The following PCOLCE2 variants were observed in gnomAD, a reference collection of about 807,000 sequenced individuals.
PCOLCE2 encodes the protein procollagen C-proteinase enhancer 2.
PCOLCE2 carries 42 observed loss-of-function variants against 47.0 expected under a neutral mutation model. The ratio of observed to expected loss-of-function variants is 0.89; its 90% CI spans 0.70 to 1.16. The LOEUF (loss-of-function observed/expected upper bound fraction) is 1.16. Ranked by LOEUF, PCOLCE2 falls within the 50% of genes most tolerant of loss-of-function variation. PCOLCE2 has a pLI of 0.00. For synonymous variants in PCOLCE2, 169 were observed against 191.7 expected, an observed-to-expected ratio of 0.88 and a Z score of 0.98; for missense variants, 500 against 526.1, an observed-to-expected ratio of 0.95 and a Z score of 0.49.
intron 2 of PCOLCE2, among the ~76,000 whole-genome samples, chr3:142,878,540 AACATGGGAAAGCG>A (rs1220569629): frequency 6.6e-6 from 1 of 152,176 alleles, no homozygotes; most frequent in Non-Finnish European, 1.5e-5. Context: ...ACGTACAAGA[AACATGGGAAAGCG>A]ACAGCACACA....
chr3:142,823,496 T>C (rs771117671), intron 7 of PCOLCE2, 36 bp downstream of exon 7: 28 of 1,264,912 alleles, frequency 2.2e-5, no homozygotes, highest in Non-Finnish European at 3.0e-5. Context: ...CTCAAGTTTC[T>C]GGTTAAAGAG....
chr3:142,835,453 T>C (rs1462920033), intron 5 of PCOLCE2, among the ~76,000 whole-genome samples: 2 of 152,174 alleles, frequency 1.3e-5, no homozygotes, highest in Non-Finnish European at 2.9e-5. Flanking sequence ...CCTTTTATTT[T>C]CAAACTCTGT....
In PCOLCE2 at chr3:142,818,460, T is replaced by G; in HGVS notation, c.1123A>C (p.Asn375His). ...KQCPLLRRGL[N>H]YIIMGQVGED... ...CCTACTTGGCCCATAATAATGTAAT[T>G]TAGACCTAAAGAAAGAGAATACAGA... Residue 375 changes from asparagine to histidine, a missense_variant, in exon 9 of 9, where the codon AAT (asparagine) becomes CAT (histidine). Transcript: ENST00000295992. 1 of 1,610,368 alleles carries G rather than the reference T, an allele frequency of 6.2e-7. No individual in the cohort carries two copies. Among genetic ancestry groups the G allele is most frequent in the East Asian group, 2.2e-5 (1 of 44,854 alleles).
In PCOLCE2 at chr3:142,842,814, C is replaced by A. The variant is rs968054841; in HGVS notation, c.573+110G>T. The A allele has an allele frequency of 5.0e-6, 5 of 997,792 alleles. No homozygotes were observed. The highest frequency in any genetic ancestry group is 1.6e-5 in the African/African-American group (1 of 61,656). 61.8% of individuals were successfully genotyped at this position (997,792 alleles called of 1,614,324 possible). A position where few individuals can be genotyped will look rare whatever the true frequency, so the allele number is the denominator to read the frequency against. ...CCAGGAACCTTCCTCTTCTTGTATC[C>A]CTTAGCTCTCGAATAGCCCCCACAA... On this transcript the variant is annotated intron_variant, in intron 4 of 8. Coordinates refer to ENST00000295992, the MANE Select transcript of PCOLCE2 (RefSeq NM_013363.4). The surrounding 1 kb of genome is among the most constrained non-coding windows in gnomAD (Gnocchi z 4.1).
intron 2 of PCOLCE2, among the ~76,000 whole-genome samples, chr3:142,854,409 T>C (rs941327069): frequency 6.6e-6 from 1 of 152,188 alleles, no homozygotes; most frequent in Non-Finnish European, 1.5e-5. Context: ...GAAAGATCTA[T>C]AGACAAATTA....
chr3:142,829,331 G>T (rs1032465953), intron 6 of PCOLCE2, among the ~76,000 whole-genome samples: 1 of 148,550 alleles, frequency 6.7e-6, no homozygotes, highest in Non-Finnish European at 1.5e-5. Context: ...AACACAGATA[G>T]CAAGGCCCTA....
At chr3:142,848,160 T>G in intron 3 of PCOLCE2, 57 bp downstream of exon 3, 2 of 1,554,848 alleles carry the variant, frequency 1.3e-6, no homozygotes, top group Non-Finnish European at 1.8e-6. Context: ...AAACATCAAG[T>G]GCCAAGAACA....
intron 2 of PCOLCE2, among the ~76,000 whole-genome samples, chr3:142,865,206 T>C (rs1331044085): frequency 3.3e-5 from 5 of 152,162 alleles, no homozygotes; most frequent in Non-Finnish European, 7.3e-5. Flanking sequence ...TAGTAGCTTA[T>C]TGTGGTTTTG....
At chr3:142,838,185 C>T (rs993105407) in intron 5 of PCOLCE2, among the ~76,000 whole-genome samples, 3 of 152,130 alleles carry the variant, frequency 2.0e-5, no homozygotes, top group Non-Finnish European at 4.4e-5. Flanking sequence ...TGGCTATTGA[C>T]ACTCCTGTTA....
At chr3:142,875,620 ATC>A (rs1190424533) in intron 2 of PCOLCE2, among the ~76,000 whole-genome samples, 2 of 152,178 alleles carry the variant, frequency 1.3e-5, no homozygotes, top group Non-Finnish European at 2.9e-5. Context: ...TGAAGAGGAA[ATC>A]TCTGTCTATT....
intron 6 of PCOLCE2, chr3:142,827,602 A>G (rs1578029689): frequency 6.8e-7 from 1 of 1,475,720 alleles, no homozygotes; most frequent in Non-Finnish European, 9.5e-7. Flanking sequence ...TCTTGCCGCA[A>G]TACACAAACT....
chr3:142,875,766 G>A (rs1229492200), intron 2 of PCOLCE2, among the ~76,000 whole-genome samples: 1 of 151,940 alleles, frequency 6.6e-6, no homozygotes, highest in African/African-American at 2.4e-5. Flanking sequence ...CAGAACCCAA[G>A]GCAACATTAC....
chr3:142,887,481 C>T (rs1287292815), intron 2 of PCOLCE2, 188 bp downstream of exon 2: 1 of 543,020 alleles, frequency 1.8e-6, no homozygotes, highest in Admixed American at 3.4e-5. Flanking sequence ...TTTGTAATCA[C>T]TAATGCAGGA....
chr3:142,823,725 T>C lies in PCOLCE2; in HGVS notation c.866-110A>G, dbSNP rs1181134458. On this transcript the variant is annotated intron_variant, in intron 6 of 8. Transcript: ENST00000295992. ...ATCATTTATTTCCCTGAGCCACCAATCTATCACTACAAAGAAAAAATTTAA... is the reference window on the plus strand; with the variant it reads ...ATCATTTATTTCCCTGAGCCACCAACCTATCACTACAAAGAAAAAATTTAA... 3 of 668,696 alleles carry C rather than the reference T, an allele frequency of 4.5e-6. No homozygotes were observed. In the East Asian group the frequency reaches 7.8e-5, roughly 17 times the overall value. 41.4% of individuals were successfully genotyped at this position (668,696 alleles called of 1,614,324 possible).
At chr3:142,838,698 T>G in intron 5 of PCOLCE2, 72 bp downstream of exon 5, 1 of 1,348,250 alleles carries the variant, frequency 7.4e-7, no homozygotes, top group Non-Finnish European at 1.0e-6. Context: ...AAAACAAATG[T>G]GATTGGGAAA....
chr3:142,864,122 A>G (rs1933234444), intron 2 of PCOLCE2: 4 of 152,322 alleles, frequency 2.6e-5, no homozygotes, highest in Admixed American at 2.6e-4. Context: ...AAGTTATAGC[A>G]GGGTGGGGGT....
At chr3:142,880,914 A>C (rs1025328056) in intron 2 of PCOLCE2, among the ~76,000 whole-genome samples, 1 of 152,202 alleles carries the variant, frequency 6.6e-6, no homozygotes, top group African/African-American at 2.4e-5. Flanking sequence ...ACGAAGCAAT[A>C]ATTATTTTTA....
At chr3:142,832,242 C>T (rs1223057081) in intron 5 of PCOLCE2, among the ~76,000 whole-genome samples, 1 of 152,144 alleles carries the variant, frequency 6.6e-6, no homozygotes, top group African/African-American at 2.4e-5. Context: ...TTTACCTGGA[C>T]CATTGCAACA....
In PCOLCE2 at chr3:142,823,597, G is replaced by T. The variant is rs1452427497; in HGVS notation, c.884C>A (p.Ala295Asp). 3.1e-5 allele frequency: 49 copies of T among 1,606,000 alleles called. No individual in the cohort carries two copies. The highest frequency in any genetic ancestry group is 4.0e-5 in the Non-Finnish European group (47 of 1,173,236). ...CCGTCTACACTTTTGTTGACACAAG[G>T]CCACGGTGGGTTTTAAACCTTAATT... ...PVTTGLKPTV[A>D]LCQQKCRRTG... The change falls in exon 7 of 9, where the codon GCC becomes GAC. Residue 295 changes from alanine to aspartate, a missense_variant. Transcript: ENST00000295992.
Sources: gnomAD v4.1 joint callset for allele counts (sites outside exome capture counted in the v4.1 genomes callset) on GRCh38, gnomAD v4.1.1 for gene constraint, Gnocchi (gnomAD v3.1) non-coding constraint, MANE v1.5 for transcripts, NCBI Gene and HGNC (gene_info 2026-07-23, HGNC 2026-07-21) for gene names.